VAV2: variants seen among roughly 807,000 people sequenced by gnomAD.
VAV2 encodes the protein guanine nucleotide exchange factor VAV2.
Under a neutral mutation model 132.5 loss-of-function variants are expected in VAV2, and 67 were observed. That is an observed-to-expected ratio of 0.51 (90% CI 0.42 to 0.62). The LOEUF (loss-of-function observed/expected upper bound fraction) is 0.62, where lower values mean the gene tolerates loss of function less well. Among genes scored for constraint, VAV2 ranks in the 20% least tolerant of loss-of-function variants. VAV2 has a pLI of 0.00. For missense variants in VAV2, 938 were observed against 1,153.6 expected, an observed-to-expected ratio of 0.81 and a Z score of 2.71; for synonymous variants, 492 against 443.5, an observed-to-expected ratio of 1.11 and a Z score of -1.37.
At position 133,769,595 on chromosome 9, in the gene VAV2, G is replaced by A. The variant is rs1833549389; in HGVS notation, c.2348-92C>T. ...AGCTACAGGCCGGGGGGCATGGGGT[G>A]GGGCAGGCCCTTTGGCAGGAGAGGC... On this transcript the variant is annotated intron_variant, in intron 27 of 29. Coordinates refer to ENST00000371850, the MANE Select transcript of VAV2 (RefSeq NM_001134398.2). This position sits in a 1 kb window ranked among gnomAD's most constrained non-coding sequence, Gnocchi z 8.1. The A allele has an allele frequency of 7.4e-7, 1 of 1,350,878 alleles. No individual in the cohort carries two copies. 83.7% of individuals were successfully genotyped at this position (1,350,878 alleles called of 1,614,324 possible). A position where few individuals can be genotyped will look rare whatever the true frequency, so the allele number is the denominator to read the frequency against.
rs888567523 is a variant in VAV2 at position 133,826,930 on chromosome 9, C to T, written c.449+7342G>A. ...GTGTCCTCGCAAGACGCACTCATCA[C>T]GGCGCTCTGTGGCACCCAATCCGGG... On this transcript the variant is annotated intron_variant, in intron 4 of 29. Transcript: ENST00000371850. The surrounding 1 kb of genome is among the most constrained non-coding windows in gnomAD (Gnocchi z 4.2). Among the ~76,000 whole-genome samples the T allele has an allele frequency of 1.2e-4, 19 of 152,284 alleles. No individual in the cohort carries two copies. Among genetic ancestry groups the T allele is most frequent in the African/African-American group, 2.6e-4 (11 of 41,548 alleles).
chr9:133,777,118 G>A (rs2131584186), intron 23 of VAV2, among the ~76,000 whole-genome samples: 1 of 152,232 alleles, frequency 6.6e-6, no homozygotes, highest in South Asian at 2.1e-4. Context: ...CCCCATTACA[G>A]CTGCTGCAGA....
At chr9:133,848,861 C>G (rs1350805599) in intron 3 of VAV2, among the ~76,000 whole-genome samples, 1 of 152,246 alleles carries the variant, frequency 6.6e-6, no homozygotes, top group Admixed American at 6.5e-5. Context: ...TTGTTTCCAC[C>G]ACAACCTGAA....
intron 4 of VAV2, 88 bp from the exon 5 acceptor site, chr9:133,812,304 G>A (rs146726225): frequency 1.3e-5 from 17 of 1,338,094 alleles, no homozygotes; most frequent in South Asian, 6.0e-5. Context: ...CACGAGGGAC[G>A]CAGGCGGCTG....
At chr9:133,882,589 C>A (rs1264820903) in intron 2 of VAV2, among the ~76,000 whole-genome samples, 1 of 152,162 alleles carries the variant, frequency 6.6e-6, no homozygotes, top group Non-Finnish European at 1.5e-5. Flanking sequence ...TCCCCACCCC[C>A]GCGACCTCTG....
intron 2 of VAV2, among the ~76,000 whole-genome samples, chr9:133,867,385 G>A (rs2131887342): frequency 6.6e-6 from 1 of 152,356 alleles, no homozygotes; most frequent in South Asian, 2.1e-4. Flanking sequence ...AGCCAGTGAA[G>A]CCACTGAGTG....
intron 1 of VAV2, among the ~76,000 whole-genome samples, chr9:133,967,984 A>G (rs1459835060): frequency 6.7e-6 from 1 of 150,322 alleles, no homozygotes. Context: ...TGTCTCTCTC[A>G]TATGTTAAAG....
At chr9:133,792,507 C>T (rs77609874) in intron 12 of VAV2, among the ~76,000 whole-genome samples, 74,592 of 147,104 alleles carry the variant, frequency 0.51, 18,763 homozygotes, top group South Asian at 0.56. Context: ...GAGTGGGGTG[C>T]GTGTGATTGG....
intron 1 of VAV2, among the ~76,000 whole-genome samples, chr9:133,982,654 G>A (rs1842735178): frequency 6.6e-6 from 1 of 152,172 alleles, no homozygotes; most frequent in Non-Finnish European, 1.5e-5. Context: ...CCACCACCTG[G>A]TTTTGCAGGG....
Position 133,992,078 on chromosome 9 carries a change from G to T in VAV2, c.201C>A (p.Ser67=), listed in dbSNP as rs149600358. 1,609 of 1,570,950 alleles carry T rather than the reference G, an allele frequency of 1.0e-3. 3 individuals are homozygous for T. Among genetic ancestry groups the T allele is most frequent in the Non-Finnish European group, 1.3e-3 (1,545 of 1,160,106 alleles). Residue 67 remains serine (S), a synonymous_variant, in exon 1 of 30, where the codon TCC becomes TCA. Coordinates refer to ENST00000371850, the MANE Select transcript of VAV2 (RefSeq NM_001134398.2). This position sits in a 1 kb window ranked among gnomAD's most constrained non-coding sequence, Gnocchi z 5.5. ...CTCCCGCCCGCCGGGCGCTCACCTG[G>T]GACATCTGCGGCCGGAAGTTGATGT... is the stretch of plus-strand genomic sequence containing the variant. ...LKDINFRPQM[S]QFLCLKNIRT... is the part of the protein sequence containing the mutation.
In VAV2 at chr9:133,914,422, G is replaced by A. The variant is rs1051634368; in HGVS notation, c.321+24681C>T. On this transcript the variant is annotated intron_variant, in intron 2 of 29. Transcript: ENST00000371850. Reference sequence around the variant, plus strand: ...CAAAACGTGGTCTACCTGGACCGTGGAATATTCTTCAGCCAGAAGAAGGAA... The same window carrying A: ...CAAAACGTGGTCTACCTGGACCGTGAAATATTCTTCAGCCAGAAGAAGGAA... Among the ~76,000 whole-genome samples the A allele has an allele frequency of 4.0e-5, 6 of 151,322 alleles. No individual in the cohort carries two copies. In the Middle Eastern group the frequency reaches 0.014, roughly 343 times the overall value.
At chr9:133,850,472 G>A (rs1004632444) in intron 3 of VAV2, among the ~76,000 whole-genome samples, 1 of 152,138 alleles carries the variant, frequency 6.6e-6, no homozygotes, top group African/African-American at 2.4e-5. Flanking sequence ...AATGAGGAAC[G>A]AATGAGGGAA....
chr9:133,825,145 A>T (rs1299304576), intron 4 of VAV2, among the ~76,000 whole-genome samples: 1 of 128,646 alleles, frequency 7.8e-6, no homozygotes, highest in Non-Finnish European at 1.6e-5. Flanking sequence ...GGCAGCTCCA[A>T]GGAGACAATG....
intron 4 of VAV2, among the ~76,000 whole-genome samples, chr9:133,818,475 T>C (rs1479717873): frequency 1.3e-5 from 2 of 151,698 alleles, no homozygotes; most frequent in East Asian, 3.9e-4. Context: ...ATCTTCAGAC[T>C]CCAGAACACA....
At chr9:133,822,143 TGCCCCCGCC>T (rs1194594478) in intron 4 of VAV2, among the ~76,000 whole-genome samples, 1 of 146,408 alleles carries the variant, frequency 6.8e-6, no homozygotes, top group Non-Finnish European at 1.5e-5. Flanking sequence ...CAGAGGCCAT[TGCCCCCGCC>T]GCCCACAGAA....
At position 133,812,156 on chromosome 9, in the gene VAV2, G is replaced by A; in HGVS notation, c.510C>T (p.Asp170=). The A allele has an allele frequency of 3.7e-6, 6 of 1,614,008 alleles. No individual in the cohort carries two copies. The highest frequency in any genetic ancestry group is 4.2e-6 in the Non-Finnish European group (5 of 1,180,012). ...DCVPCEDGGD[D]IYEDIIKVEV... is the part of the protein sequence containing the mutation. ...CCACCTTGATGATGTCCTCGTAGATGTCGTCCCCTCCATCCTCACACGGGA... is the reference window on the plus strand; with the variant it reads ...CCACCTTGATGATGTCCTCGTAGATATCGTCCCCTCCATCCTCACACGGGA... The change falls in exon 5 of 30, where the codon GAC becomes GAT. Residue 170 remains aspartate (D), a synonymous_variant. Transcript: ENST00000371850.
chr9:133,918,628 G>A lies in VAV2; in HGVS notation c.321+20475C>T, dbSNP rs1187284019. On this transcript the variant is annotated intron_variant, in intron 2 of 29. Transcript: ENST00000371850. This position sits in a 1 kb window ranked among gnomAD's most constrained non-coding sequence, Gnocchi z 4.7. ...GGGTAAGAAAGCTGAGGCCCACAGA[G>A]TCATGTAGCATGCCCGAGGTCGCGC... Among the ~76,000 whole-genome samples the A allele has an allele frequency of 6.6e-6, 1 of 152,090 alleles. No homozygotes were observed. Among genetic ancestry groups the A allele is most frequent in the Non-Finnish European group, 1.5e-5 (1 of 68,020 alleles).
intron 2 of VAV2, among the ~76,000 whole-genome samples, chr9:133,910,741 G>A (rs1244001032): frequency 2.7e-5 from 4 of 150,272 alleles, no homozygotes; most frequent in South Asian, 2.1e-4. Flanking sequence ...GGAGAATGGC[G>A]TGAACCCGGG....
rs1340659786 is a variant in VAV2 at position 133,788,966 on chromosome 9, CCTGT to C, written c.1274+288_1274+291del. Among the ~76,000 whole-genome samples, 9 of 152,254 alleles carry C rather than the reference CCTGT, an allele frequency of 5.9e-5. No homozygotes were observed. The highest frequency in any genetic ancestry group is 1.2e-4 in the Non-Finnish European group (8 of 68,050). On this transcript the variant is annotated intron_variant, in intron 14 of 29. Coordinates refer to ENST00000371850, the MANE Select transcript of VAV2 (RefSeq NM_001134398.2). The surrounding 1 kb of genome is among the most constrained non-coding windows in gnomAD (Gnocchi z 5.3). ...AAAGAGCCCATCCGACCACTCTGGGCCTGTCTTGGGTTCCTGGAGGCTGAGCATT... is the reference window on the plus strand; with the variant it reads ...AAAGAGCCCATCCGACCACTCTGGGCCTTGGGTTCCTGGAGGCTGAGCATT...
Sources: gnomAD v4.1 joint callset for allele counts (sites outside exome capture counted in the v4.1 genomes callset) on GRCh38, gnomAD v4.1.1 for gene constraint, Gnocchi (gnomAD v3.1) non-coding constraint, MANE v1.5 for transcripts, NCBI Gene and HGNC (gene_info 2026-07-23, HGNC 2026-07-21) for gene names.